The following ZFYVE16 variants were observed in gnomAD, a reference collection of about 807,000 sequenced individuals.
ZFYVE16 encodes the protein zinc finger FYVE-type containing 16.
In ZFYVE16, 89 loss-of-function variants were observed where a neutral mutation model predicts 138.1. The ratio of observed to expected loss-of-function variants is 0.64; its 90% CI spans 0.54 to 0.77. The LOEUF is 0.77. Among genes scored for constraint, ZFYVE16 ranks in the 30% least tolerant of loss-of-function variants. The pLI, the probability that ZFYVE16 is intolerant of heterozygous loss-of-function variation, is 0.00. For missense variants in ZFYVE16, 1,793 were observed against 1,786.7 expected (o/e 1.00, Z -0.06); for synonymous variants, 596 against 618.3 (o/e 0.96, Z 0.53).
At chr5:80,471,194 T>C (rs249034) in intron 15 of ZFYVE16, among the ~76,000 whole-genome samples, 132,876 of 151,920 alleles carry the variant, frequency 0.87, 58,850 homozygotes, top group Non-Finnish European at 0.94. Flanking sequence ...CACGGCTCTT[T>C]TAGGCCTCTT....
At chr5:80,427,245 AT>A (rs1343263513) in intron 1 of ZFYVE16, among the ~76,000 whole-genome samples, 2 of 151,536 alleles carry the variant, frequency 1.3e-5, no homozygotes, top group African/African-American at 4.9e-5. Context: ...TAAATTCTTG[AT>A]TTTTTTCCTT....
At chr5:80,465,963 T>C (rs1014889649) in intron 15 of ZFYVE16, among the ~76,000 whole-genome samples, 4 of 151,952 alleles carry the variant, frequency 2.6e-5, no homozygotes, top group African/African-American at 9.7e-5. Flanking sequence ...TTCCCAGTTA[T>C]TGCCCAAGCT....
chr5:80,407,933 C>A (rs1744829807), upstream of ZFYVE16: 1 of 152,352 alleles, frequency 6.6e-6, no homozygotes, highest in South Asian at 2.1e-4. Context: ...TGCGCAAGCG[C>A]CCCGGGCCTG....
Position 80,437,325 on chromosome 5 carries a change from A to G in ZFYVE16, c.640A>G (p.Thr214Ala), listed in dbSNP as rs199554082. 14 of 1,603,110 alleles carry G rather than the reference A, an allele frequency of 8.7e-6. No individual in the cohort carries two copies. Among genetic ancestry groups the G allele is most frequent in the South Asian group, 2.2e-5 (2 of 89,742 alleles). Residue 214 changes from threonine to alanine, a missense_variant, in exon 4 of 19, where the codon ACA becomes GCA. Thr to Ala is a moderately conservative substitution (Grantham distance 58). Transcript: ENST00000505560. ...AGAATTGGGTATAAAAGTAGATACA[A>G]CACTTTCAGATTCCTATAATTACAG... ...IKELGIKVDT[T>A]LSDSYNYSGT...
intron 12 of ZFYVE16, 191 bp downstream of exon 12, chr5:80,455,965 T>C (rs930575421): frequency 1.9e-6 from 1 of 531,278 alleles, no homozygotes; most frequent in South Asian, 2.3e-5. Flanking sequence ...TAGAACGTAC[T>C]ATCTCCTCAT....
intron 17 of ZFYVE16, among the ~76,000 whole-genome samples, chr5:80,474,182 T>A (rs1231339747): frequency 1.3e-5 from 2 of 152,236 alleles, no homozygotes; most frequent in Non-Finnish European, 2.9e-5. Context: ...TAATTTATAA[T>A]CAGCATTCAC....
chr5:80,425,098 A>G (rs1433020973), intron 1 of ZFYVE16, among the ~76,000 whole-genome samples: 1 of 152,174 alleles, frequency 6.6e-6, no homozygotes, highest in Non-Finnish European at 1.5e-5. Flanking sequence ...TTTTTCATCA[A>G]TTCTGGAAAA....
chr5:80,424,170 C>T (rs1747659568), intron 1 of ZFYVE16, among the ~76,000 whole-genome samples: 1 of 152,020 alleles, frequency 6.6e-6, no homozygotes, highest in Admixed American at 6.6e-5. Flanking sequence ...TAGTCTCGAA[C>T]TCCTGACCTC....
chr5:80,442,023 G>T (rs1750763026), intron 5 of ZFYVE16: 2 of 656,654 alleles, frequency 3.0e-6, no homozygotes, highest in South Asian at 1.4e-4. Flanking sequence ...TAAACAAAAA[G>T]ATATCAGATG....
At chr5:80,411,691 TTATC>T (rs757082975) in intron 1 of ZFYVE16, 12 of 152,366 alleles carry the variant, frequency 7.9e-5, no homozygotes, top group Middle Eastern at 3.4e-3. Flanking sequence ...TCCCAAATCT[TTATC>T]TATCTCAGAC....
At chr5:80,407,694 C>T (rs1410874285), upstream of ZFYVE16, among the ~76,000 whole-genome samples, 2 of 152,246 alleles carry the variant, frequency 1.3e-5, no homozygotes, top group African/African-American at 4.8e-5. Context: ...ACCGGAACGC[C>T]GCGCAGGCTC....
rs1451498397 is a variant in ZFYVE16 at position 80,482,689 on chromosome 5, C to T, written c.*5312C>T. 3.3e-5 allele frequency: 5 copies of T among 152,144 alleles called. No individual in the cohort carries two copies. Among genetic ancestry groups the T allele is most frequent in the African/African-American group, 1.2e-4 (5 of 41,426 alleles). 9.4% of individuals were successfully genotyped at this position (152,144 alleles called of 1,614,324 possible). The stretch of plus-strand genomic sequence containing the variant: ...TGAAAACAACTGGAAGAAAACAACA[C>T]TTTGTATATAGGAGAACCAAAGATT... On this transcript the variant is annotated 3_prime_UTR_variant, in exon 19 of 19. Transcript: ENST00000505560.
intron 7 of ZFYVE16, 79 bp downstream of exon 7, chr5:80,445,484 G>C (rs1751218898): frequency 1.7e-6 from 2 of 1,175,504 alleles, no homozygotes; most frequent in Admixed American, 3.1e-5. Context: ...TTATTAGAGT[G>C]CTTTTTTTTT....
rs1749461695 is a variant in ZFYVE16, at chr5:80,433,713, A to G, written c.-39-396A>G. Among the ~76,000 whole-genome samples the G allele has an allele frequency of 2.0e-5, 3 of 152,236 alleles. No homozygotes were observed. The South Asian group carries it at 6.2e-4, about 32-fold the overall frequency. ...CCACTAAAAAAAGAAAAAAAAAAGC[A>G]TTTAAGGCTCTAAGTATCTCTTGAA... On this transcript the variant is annotated intron_variant, in intron 2 of 18. Coordinates refer to ENST00000505560, the MANE Select transcript of ZFYVE16 (RefSeq NM_001284236.3).
chr5:80,440,048 A>C lies in ZFYVE16; in HGVS notation c.2419+16A>C. ...ATTAGTAAAGGTGAGTATTAACTTG[A>C]TATATTTTCTTCCAGTAATTGAATA... On this transcript the variant is annotated intron_variant, in intron 5 of 18. Coordinates refer to ENST00000505560, the MANE Select transcript of ZFYVE16 (RefSeq NM_001284236.3). 6.4e-7 allele frequency: 1 copy of C among 1,573,586 alleles called. No individual in the cohort carries two copies. The highest frequency in any genetic ancestry group is 8.6e-7 in the Non-Finnish European group (1 of 1,163,458).
Position 80,437,413 on chromosome 5 carries a change from A to G in ZFYVE16, c.728A>G (p.Asn243Ser). Reference protein sequence around the residue: ...FNQLESIVDFNMSSALTRQSS... With the variant: ...FNQLESIVDFSMSSALTRQSS... ...CAGTTAGAATCAATTGTTGATTTTA[A>G]CATGTCATCTGCTTTGACTCGACAA... The change falls in exon 4 of 19, where the codon AAC becomes AGC. Residue 243 changes from asparagine (N) to serine (S), a missense_variant. Asn to Ser is a conservative substitution (Grantham distance 46, BLOSUM62 1). Around this residue, in one of 2 missense-constraint regions of ZFYVE16, gnomAD observed 1,295 missense variants for 1,204.3 expected, o/e 1.08. Transcript: ENST00000505560. 1 of 1,604,796 alleles carries G rather than the reference A, an allele frequency of 6.2e-7. No individual in the cohort carries two copies. The highest frequency in any genetic ancestry group is 1.7e-5 in the Admixed American group (1 of 57,254).
chr5:80,438,647 C>T lies in ZFYVE16; in HGVS notation c.1962C>T (p.Ser654=). 6.2e-7 allele frequency: 1 copy of T among 1,614,026 alleles called. No homozygotes were observed. Among genetic ancestry groups the T allele is most frequent in the Non-Finnish European group, 8.5e-7 (1 of 1,179,976 alleles). The change falls in exon 4 of 19, where the codon AGC becomes AGT. Residue 654 remains serine, a synonymous_variant. Transcript: ENST00000505560. ...VGGARPKQLF[S]LPSRTRSSKD... ...GGGCCAGACCTAAGCAATTGTTTAG[C>T]CTTCCATCAAGAACAAGGAGTTCAA...
chr5:80,461,848 T>G (rs1159822316), intron 15 of ZFYVE16, among the ~76,000 whole-genome samples: 1 of 152,054 alleles, frequency 6.6e-6, no homozygotes, highest in Non-Finnish European at 1.5e-5. Context: ...GGCGGGCGCC[T>G]GTAATCCCAG....
rs772310803 is a variant in ZFYVE16 at position 80,438,830 on chromosome 5, A to G, written c.2145A>G (p.Gly715=). 3 of 1,614,112 alleles carry G rather than the reference A, an allele frequency of 1.9e-6. No homozygotes were observed. The highest frequency in any genetic ancestry group is 2.5e-6 in the Non-Finnish European group (3 of 1,179,978). The change falls in exon 4 of 19, where the codon GGA becomes GGG. Residue 715 remains glycine (G), a synonymous_variant. Coordinates refer to ENST00000505560, the MANE Select transcript of ZFYVE16 (RefSeq NM_001284236.3). ...YIDIESNSEG[G]SSFVTANEDS... ...ATATAGAAAGTAATTCTGAAGGTGGATCTAGTTTCGTAACTGCAAATGAAG... is the reference window on the plus strand; with the variant it reads ...ATATAGAAAGTAATTCTGAAGGTGGGTCTAGTTTCGTAACTGCAAATGAAG...
Sources: allele counts gnomAD v4.1 joint callset (sites outside exome capture counted in the v4.1 genomes callset), GRCh38; gene constraint gnomAD v4.1.1; regional missense constraint gnomAD v4.1.1; transcripts MANE v1.5; gene names NCBI Gene and HGNC (gene_info 2026-07-23, HGNC 2026-07-21).